Variants in GLIS1 observed in about 807,000 individuals in gnomAD.
GLIS1 encodes zinc finger protein GLIS1.
In GLIS1, 24 loss-of-function variants were observed where a neutral mutation model predicts 63.8. The observed-to-expected ratio is 0.38, with a 90% CI of 0.27 to 0.53. The LOEUF (loss-of-function observed/expected upper bound fraction) is 0.53, where lower values mean the gene tolerates loss of function less well. Ranked by LOEUF, GLIS1 falls within the 20% of genes least tolerant of loss-of-function variation. The pLI is 0.85. For missense variants in GLIS1, 1,036 were observed against 1,074.1 expected, an observed-to-expected ratio of 0.96 and a Z score of 0.50; for synonymous variants, 450 against 482.5, an observed-to-expected ratio of 0.93 and a Z score of 0.88.
intron 2 of GLIS1, among the ~76,000 whole-genome samples, chr1:53,640,982 C>A (rs1481912245): frequency 2.0e-5 from 3 of 152,190 alleles, no homozygotes; most frequent in African/African-American, 7.2e-5. Context: ...GAACCGGGGA[C>A]TTCAAAAGCA....
intron 2 of GLIS1, among the ~76,000 whole-genome samples, chr1:53,634,377 C>G (rs976278063): frequency 6.6e-6 from 1 of 152,132 alleles, no homozygotes; most frequent in Non-Finnish European, 1.5e-5. Flanking sequence ...AAACCCTGAG[C>G]TCGCCAATGT....
chr1:53,677,402 T>C (rs1001095202), intron 2 of GLIS1, among the ~76,000 whole-genome samples: 8 of 152,142 alleles, frequency 5.3e-5, no homozygotes, highest in African/African-American at 1.9e-4. Context: ...AATTCGAGTC[T>C]GCCAGGTTCT....
chr1:53,722,764 T>C (rs1207435170), intron 2 of GLIS1, among the ~76,000 whole-genome samples: 23 of 134,492 alleles, frequency 1.7e-4, no homozygotes, highest in Non-Finnish European at 1.6e-5. Flanking sequence ...CCCGGGGAGG[T>C]GGAGGCTACA....
intron 4 of GLIS1, among the ~76,000 whole-genome samples, chr1:53,577,896 C>G (rs1226786613): frequency 6.6e-6 from 1 of 152,100 alleles, no homozygotes; most frequent in South Asian, 2.1e-4. Flanking sequence ...AGCGAGGCTT[C>G]GTTAACTCAC....
chr1:53,571,464 A>G (rs1644983077), intron 4 of GLIS1, among the ~76,000 whole-genome samples: 1 of 152,264 alleles, frequency 6.6e-6, no homozygotes, highest in Non-Finnish European at 1.5e-5. Flanking sequence ...AGAAAACTGA[A>G]ACAACCCAAA....
intron 2 of GLIS1, among the ~76,000 whole-genome samples, chr1:53,708,810 C>T (rs988845225): frequency 2.6e-5 from 4 of 152,198 alleles, no homozygotes; most frequent in African/African-American, 9.7e-5. Context: ...ACACAGCACA[C>T]ACTGGCAGAG....
intron 2 of GLIS1, among the ~76,000 whole-genome samples, chr1:53,683,937 G>A (rs923319508): frequency 2.0e-5 from 3 of 152,074 alleles, no homozygotes; most frequent in Non-Finnish European, 2.9e-5. Context: ...GCCAGAGCTC[G>A]GACAATTTTA....
chr1:53,589,088 A>C (rs2100516398), intron 4 of GLIS1, among the ~76,000 whole-genome samples: 1 of 152,240 alleles, frequency 6.6e-6, no homozygotes, highest in Middle Eastern at 3.4e-3. Context: ...TTGAGAAGTG[A>C]TTTGGCCTCT....
At chr1:53,609,296 T>A (rs3006892) in intron 2 of GLIS1, among the ~76,000 whole-genome samples, 2 of 120,146 alleles carry the variant, frequency 1.7e-5, no homozygotes, top group African/African-American at 3.2e-5. Context: ...TTTTTTGAGA[T>A]GCAGTCTCAC....
intron 2 of GLIS1, among the ~76,000 whole-genome samples, chr1:53,689,028 C>A (rs921658805): frequency 6.6e-6 from 1 of 152,180 alleles, no homozygotes; most frequent in African/African-American, 2.4e-5. Flanking sequence ...TTCCTCAAGC[C>A]CCCTGCTTTC....
At chr1:53,628,443 C>T (rs115174366) in intron 2 of GLIS1, among the ~76,000 whole-genome samples, 2,180 of 152,252 alleles carry the variant, frequency 0.014, 21 homozygotes, top group Middle Eastern at 0.024. Flanking sequence ...TCACTCGACA[C>T]GCTTTTGAAT....
intron 2 of GLIS1, among the ~76,000 whole-genome samples, chr1:53,728,725 A>G (rs1330774671): frequency 2.0e-5 from 3 of 152,258 alleles, no homozygotes; most frequent in Non-Finnish European, 4.4e-5. Context: ...AAAGAAGCCC[A>G]CAGATTATAA....
intron 2 of GLIS1, among the ~76,000 whole-genome samples, chr1:53,613,749 C>T (rs1470383502): frequency 3.3e-5 from 5 of 152,068 alleles, no homozygotes; most frequent in Non-Finnish European, 7.4e-5. Context: ...ACACAAGGAA[C>T]TGAGAAAGTC....
intron 4 of GLIS1, among the ~76,000 whole-genome samples, chr1:53,555,404 C>T (rs1338499491): frequency 6.6e-6 from 1 of 152,170 alleles, no homozygotes; most frequent in African/African-American, 2.4e-5. Context: ...GTGGTGGGCG[C>T]CTGCAGTCCC....
chr1:53,706,191 A>G (rs1646577431), intron 2 of GLIS1, among the ~76,000 whole-genome samples: 1 of 152,220 alleles, frequency 6.6e-6, no homozygotes, highest in African/African-American at 2.4e-5. Context: ...CCAGTGTCAA[A>G]GACAGTGAAT....
At chr1:53,570,742 G>T (rs957052388) in intron 4 of GLIS1, among the ~76,000 whole-genome samples, 18 of 152,062 alleles carry the variant, frequency 1.2e-4, no homozygotes, top group African/African-American at 4.3e-4. Flanking sequence ...CCAACAAACG[G>T]CTCCCAGAAT....
At chr1:53,656,353 C>T (rs1205929704) in intron 2 of GLIS1, among the ~76,000 whole-genome samples, 1 of 152,218 alleles carries the variant, frequency 6.6e-6, no homozygotes, top group African/African-American at 2.4e-5. Context: ...CTCCTCCTGG[C>T]CAAGCTGCAG....
chr1:53,536,183 A>G (rs1644579905), intron 4 of GLIS1, among the ~76,000 whole-genome samples: 2 of 152,036 alleles, frequency 1.3e-5, no homozygotes, highest in Non-Finnish European at 2.9e-5. Context: ...TTTGAGACAC[A>G]CTGGCTCAAA....
chr1:53,673,438 G>T lies in GLIS1; in HGVS notation c.259+64368C>A, dbSNP rs183421909. ...GGCAGCACAGTGTAGGGGAACCGTG[G>T]TTTCAAGCCCTGACTACGCTCAGCA... is the stretch of plus-strand genomic sequence containing the variant. On this transcript the variant is annotated intron_variant, in intron 2 of 10. Coordinates refer to ENST00000628545, the MANE Select transcript of GLIS1 (RefSeq NM_001367484.1). Among the ~76,000 whole-genome samples, 760 of 152,356 alleles carry T rather than the reference G, an allele frequency of 5.0e-3. 2 individuals carry two copies. The highest frequency in any genetic ancestry group is 8.5e-3 in the Non-Finnish European group (579 of 68,040).
Sources: gnomAD v4.1 joint callset for allele counts (sites outside exome capture counted in the v4.1 genomes callset) on GRCh38, gnomAD v4.1.1 for gene constraint, MANE v1.5 for transcripts, NCBI Gene and HGNC (gene_info 2026-07-23, HGNC 2026-07-21) for gene names.